ZNF528: variants seen among roughly 807,000 people sequenced by gnomAD.
The protein encoded by ZNF528 is zinc finger protein 528.
Under a neutral mutation model 13.3 loss-of-function variants are expected in ZNF528, and 9 were observed. The observed-to-expected ratio is 0.67, with a 90% CI of 0.41 to 1.18. ZNF528 has a LOEUF of 1.18. Ranked by LOEUF, ZNF528 falls within the 50% of genes most tolerant of loss-of-function variation. The probability of loss-of-function intolerance (pLI) is 0.01; values close to 1 mark genes in which losing one functional copy is unlikely to be tolerated. For missense variants in ZNF528, 858 were observed against 745.4 expected (o/e 1.15, Z -1.76); for synonymous variants, 264 against 254.3 (o/e 1.04, Z -0.36).
intron 6 of ZNF528, chr19:52,414,174 A>C (rs1278621776): frequency 5.7e-6 from 4 of 701,984 alleles, no homozygotes; most frequent in Non-Finnish European, 1.0e-5. Flanking sequence ...CGACTCATCC[A>C]GGTTTCCCCA....
In ZNF528 at chr19:52,415,802, A is replaced by G. The variant is rs868781007; in HGVS notation, c.950A>G (p.Lys317Arg). The stretch of plus-strand genomic sequence containing the variant: ...ATTGCACACCTTGTACGACATCAAA[A>G]AATTCATACTGGAGAGAAACCTTAC... ...NQIAHLVRHQ[K>R]IHTGEKPYSC... The change falls in exon 7 of 7, where the codon AAA becomes AGA. Residue 317 changes from lysine to arginine, a missense_variant. Coordinates refer to ENST00000360465, the MANE Select transcript of ZNF528 (RefSeq NM_032423.3). 1 of 1,613,880 alleles carries G rather than the reference A, an allele frequency of 6.2e-7. No homozygotes were observed. The highest frequency in any genetic ancestry group is 2.2e-5 in the East Asian group (1 of 44,782).
At position 52,416,537 on chromosome 19, in the gene ZNF528, C is replaced by CAGGCCTTA; in HGVS notation, c.1686_1693dup (p.Thr565LysfsTer89). 2 of 1,614,192 alleles carry CAGGCCTTA rather than the reference C, an allele frequency of 1.2e-6. No homozygotes were observed. The highest frequency in any genetic ancestry group is 1.7e-6 in the Non-Finnish European group (2 of 1,180,034). On this transcript the variant is annotated frameshift_variant, in exon 7 of 7. Coordinates refer to ENST00000360465, the MANE Select transcript of ZNF528 (RefSeq NM_032423.3). LOFTEE classifies it low-confidence loss of function (END_TRUNC). ...TGTGGCAAAGCATTTCGAGGGTGTTCAGGCCTTACTGCCCATCTTGCAATC... is the reference window on the plus strand; with the variant it reads ...TGTGGCAAAGCATTTCGAGGGTGTTCAGGCCTTAAGGCCTTACTGCCCATCTTGCAATC...
chr19:52,416,677 C>G lies in ZNF528; in HGVS notation c.1825C>G (p.Leu609Val), dbSNP rs200103862. 143 of 1,613,554 alleles carry G rather than the reference C, an allele frequency of 8.9e-5. 2 individuals are homozygous for G. In the East Asian group the frequency reaches 3.1e-3, roughly 35 times the overall value. Residue 609 changes from leucine (L) to valine (V), a missense_variant, in exon 7 of 7, where the codon CTG (leucine) becomes GTG (valine). Leu to Val is a conservative substitution (Grantham distance 32, BLOSUM62 1). Coordinates refer to ENST00000360465, the MANE Select transcript of ZNF528 (RefSeq NM_032423.3). ...HIGEKPYKCT[L>V]CSKVFSHNSD... ...TGGAGAGAAACCTTACAAATGCACC[C>G]TGTGCAGTAAGGTCTTCAGTCACAA...
chr19:52,400,304 A>C (rs1003629303), intron 2 of ZNF528, among the ~76,000 whole-genome samples: 4 of 151,948 alleles, frequency 2.6e-5, no homozygotes, highest in Non-Finnish European at 5.9e-5. Flanking sequence ...CAGAAGAAAA[A>C]ACAAAGTATT....
Position 52,416,523 on chromosome 19 carries a change from AT to A in ZNF528, c.1674del (p.Arg559GlufsTer92). ...ACAGATGTAGTAAATGTGGCAAAGC[AT>A]TTCGAGGGTGTTCAGGCCTTACTGC... ...PYRCSKCGKA[F>X]RGCSGLTAHL... is the part of the protein sequence containing the mutation. On this transcript the variant is annotated frameshift_variant, in exon 7 of 7. Coordinates refer to ENST00000360465, the MANE Select transcript of ZNF528 (RefSeq NM_032423.3). LOFTEE classifies it low-confidence loss of function (END_TRUNC). 1 of 1,614,112 alleles carries A rather than the reference AT, an allele frequency of 6.2e-7. No individual in the cohort carries two copies. Among genetic ancestry groups the A allele is most frequent in the Non-Finnish European group, 8.5e-7 (1 of 1,180,020 alleles).
Position 52,416,134 on chromosome 19 carries a change from C to T in ZNF528, c.1282C>T (p.Arg428Ter), listed in dbSNP as rs150257846. ...FSQKSDLIRH[R>*]KTHTDEKPYK... ...TCAGAAATCAGACCTTATACGACAT[C>T]GAAAAACTCATACTGATGAGAAGCC... The change falls in exon 7 of 7, where the codon CGA (arginine) becomes TGA (stop). Residue 428 changes from arginine to a stop codon, truncating the protein, a stop_gained. Transcript: ENST00000360465. LOFTEE classifies it low-confidence loss of function (END_TRUNC). 5,400 of 1,614,004 alleles carry T rather than the reference C, an allele frequency of 3.3e-3. 16 individuals carry two copies. Among genetic ancestry groups the T allele is most frequent in the South Asian group, 4.2e-3 (383 of 91,074 alleles).
At chr19:52,402,909 T>C (rs2058811666) in intron 4 of ZNF528, among the ~76,000 whole-genome samples, 1 of 152,238 alleles carries the variant, frequency 6.6e-6, no homozygotes, top group African/African-American at 2.4e-5. Flanking sequence ...TGTGTGCCTA[T>C]AATTCTAGCT....
Position 52,402,006 on chromosome 19 carries a change from A to T in ZNF528, c.-8A>T, listed in dbSNP as rs754661184. ...GCAACTTGGAAGAGGAAAGAAAAGA[A>T]GTCAGGAATGGCCCTTACTCAGGTA... On this transcript the variant is annotated 5_prime_UTR_variant, in exon 4 of 7. In the 5' UTR this introduces an upstream ATG that the reference lacks. Coordinates refer to ENST00000360465, the MANE Select transcript of ZNF528 (RefSeq NM_032423.3). 46 of 1,614,046 alleles carry T rather than the reference A, an allele frequency of 2.8e-5. No individual in the cohort carries two copies. The African/African-American group carries it at 5.9e-4, about 21-fold the overall frequency.
In ZNF528 at chr19:52,398,689, G is replaced by C. The variant is rs933441652; in HGVS notation, c.-137+70G>C. ...AAAATAGCAGGGGAGAAAAGTAACT[G>C]TAAAAATATAGACAAACCTGGGTCT... On this transcript the variant is annotated intron_variant, in intron 2 of 6. Coordinates refer to ENST00000360465, the MANE Select transcript of ZNF528 (RefSeq NM_032423.3). The C allele has an allele frequency of 9.4e-6, 8 of 850,744 alleles. No homozygotes were observed. The African/African-American group carries it at 1.4e-4, about 15-fold the overall frequency. The allele number at this position is 850,744 out of a possible 1,614,324, so 52.7% of individuals were successfully genotyped here.
At chr19:52,414,209 C>G in intron 6 of ZNF528, 1 of 702,486 alleles carries the variant, frequency 1.4e-6, no homozygotes, top group Non-Finnish European at 2.6e-6. Flanking sequence ...TTCAGTTCCT[C>G]TACTCCAGCA....
rs1266384109 is a variant in ZNF528, at chr19:52,415,632, A to T, written c.780A>T (p.Gln260His). ...GCAATTCAAACCTTTCACAACATCA[A>T]AGAATTCATACTGGAGAGAAGCCTT... is the stretch of plus-strand genomic sequence containing the variant. ...FSSNSNLSQH[Q>H]RIHTGEKPYK... is the part of the protein sequence containing the mutation. The change falls in exon 7 of 7, where the codon CAA (glutamine) becomes CAT (histidine). Residue 260 changes from glutamine to histidine, a missense_variant. Coordinates refer to ENST00000360465, the MANE Select transcript of ZNF528 (RefSeq NM_032423.3). 3 of 1,614,182 alleles carry T rather than the reference A, an allele frequency of 1.9e-6. No homozygotes were observed. The highest frequency in any genetic ancestry group is 4.5e-5 in the East Asian group (2 of 44,860).
chr19:52,416,189 TTA>T lies in ZNF528; in HGVS notation c.1338_1339del (p.Phe446LeufsTer14). The T allele has an allele frequency of 6.2e-7, 1 of 1,613,820 alleles. No individual in the cohort carries two copies. Among genetic ancestry groups the T allele is most frequent in the South Asian group, 1.1e-5 (1 of 91,060 alleles). On this transcript the variant is annotated frameshift_variant, in exon 7 of 7. Coordinates refer to ENST00000360465, the MANE Select transcript of ZNF528 (RefSeq NM_032423.3). LOFTEE classifies it low-confidence loss of function (END_TRUNC). ...AAATGTAATAAATGTGGCACAGCGT[TTA>T]GAGAGTTTTCAGACCTTACTGCCCA...
chr19:52,414,278 C>G lies in ZNF528; in HGVS notation c.272-846C>G, dbSNP rs990322511. 8.5e-6 allele frequency: 6 copies of G among 702,434 alleles called. No individual in the cohort carries two copies. The African/African-American group carries it at 1.0e-4, about 12-fold the overall frequency. 43.5% of individuals were successfully genotyped at this position (702,434 alleles called of 1,614,324 possible). ...GTTCGGAGGCCACTTGTCCGACATC[C>G]TCGGAGTCCCTCTTCTGGGTCACCA... On this transcript the variant is annotated intron_variant, in intron 6 of 6. Transcript: ENST00000360465.
intron 4 of ZNF528, among the ~76,000 whole-genome samples, chr19:52,405,037 G>A (rs892788497): frequency 6.6e-6 from 1 of 151,578 alleles, no homozygotes; most frequent in African/African-American, 2.4e-5. Context: ...CCAACATGGT[G>A]AAACCCCGTC....
At chr19:52,402,120 T>G (rs1301834841) in intron 4 of ZNF528, 92 bp downstream of exon 4, 21 of 1,583,106 alleles carry the variant, frequency 1.3e-5, no homozygotes, top group Non-Finnish European at 1.0e-5. Context: ...TGAAGCATCC[T>G]GCCTGACACG....
intron 6 of ZNF528, chr19:52,413,538 G>A (rs2058958564): frequency 6.6e-6 from 1 of 152,096 alleles, no homozygotes; most frequent in Non-Finnish European, 1.5e-5. Context: ...GTTTCGATCA[G>A]GCCTTATGGA....
chr19:52,408,492 A>T (rs957000307), intron 6 of ZNF528: 1 of 152,176 alleles, frequency 6.6e-6, no homozygotes, highest in African/African-American at 2.4e-5. Flanking sequence ...TGTAGGAAAG[A>T]ATTAAAAGTC....
In ZNF528 at chr19:52,415,876, G is replaced by T; in HGVS notation, c.1024G>T (p.Glu342Ter). The T allele has an allele frequency of 6.2e-7, 1 of 1,613,808 alleles. No homozygotes were observed. Among genetic ancestry groups the T allele is most frequent in the Admixed American group, 1.7e-5 (1 of 59,994 alleles). Residue 342 changes from glutamate (E) to a stop codon, truncating the protein, a stop_gained, in exon 7 of 7, where the codon GAA (glutamate) becomes TAA (stop). Transcript: ENST00000360465. LOFTEE classifies it low-confidence loss of function (END_TRUNC). The part of the protein sequence containing the change: ...KVFSRHSYLA[E>*]HQTVHTGEKP... Reference sequence around the variant, plus strand: ...CTTTAGTCGCCATTCATATCTAGCAGAACATCAAACGGTTCATACTGGTGA... The same window carrying T: ...CTTTAGTCGCCATTCATATCTAGCATAACATCAAACGGTTCATACTGGTGA...
At chr19:52,412,028 A>C (rs142707387) in intron 6 of ZNF528, 1,749 of 152,346 alleles carry the variant, frequency 0.011, 11 homozygotes, top group Middle Eastern at 0.021. Context: ...TCTTTACTGG[A>C]TATGACTGAC....
Sources: allele counts gnomAD v4.1 joint callset (sites outside exome capture counted in the v4.1 genomes callset), GRCh38; gene constraint gnomAD v4.1.1; transcripts MANE v1.5; gene names NCBI Gene and HGNC (gene_info 2026-07-23, HGNC 2026-07-21).